Variants in C12orf42 observed in about 807,000 individuals in gnomAD.
C12orf42 encodes chromosome 12 open reading frame 42.
In C12orf42, 25 loss-of-function variants were observed where a neutral mutation model predicts 21.6. The observed-to-expected ratio is 1.16, with a 90% CI of 0.84 to 1.62. The LOEUF is 1.62. C12orf42 is among the 40% of genes most tolerant of loss of function. The pLI is 0.00. For missense variants in C12orf42, 483 were observed against 459.3 expected (o/e 1.05, Z -0.47); for synonymous variants, 174 against 175.0 (o/e 0.99, Z 0.05).
chr12:103,079,800 A>G, the C12orf42 span, among the ~76,000 whole-genome samples: 1 of 152,198 alleles, frequency 6.6e-6, no homozygotes, highest in Non-Finnish European at 1.5e-5. Context: ...AGATTGGGAG[A>G]ACCATATCCT....
At chr12:103,444,761 A>T (rs1951474353) in intron 2 of C12orf42, among the ~76,000 whole-genome samples, 1 of 152,098 alleles carries the variant, frequency 6.6e-6, no homozygotes, top group Admixed American at 6.6e-5. Context: ...TTTGATGTAT[A>T]CATCAAAGTT....
chr12:103,180,867 A>G, the C12orf42 span, among the ~76,000 whole-genome samples: 4 of 151,586 alleles, frequency 2.6e-5, no homozygotes, highest in Admixed American at 1.3e-4. Context: ...ACCTCAGGTG[A>G]TCCGCCTACC....
At chr12:103,159,606 A>T in the C12orf42 span, 2 of 152,104 alleles carry the variant, frequency 1.3e-5, no homozygotes, top group African/African-American at 4.8e-5. Flanking sequence ...ACAGCCCCCC[A>T]ACCTCCACCC....
At chr12:103,092,610 G>C in the C12orf42 span, among the ~76,000 whole-genome samples, 1 of 152,078 alleles carries the variant, frequency 6.6e-6, no homozygotes, top group Non-Finnish European at 1.5e-5. Flanking sequence ...TCAGTGCAAC[G>C]TATTCTCCTG....
At chr12:103,539,285 A>C in the C12orf42 span, among the ~76,000 whole-genome samples, 1 of 152,046 alleles carries the variant, frequency 6.6e-6, no homozygotes, top group South Asian at 2.1e-4. Flanking sequence ...ATATCTGTGC[A>C]TGTGTGTATG....
intron 4 of C12orf42, among the ~76,000 whole-genome samples, chr12:103,292,784 T>C (rs1186869061): frequency 6.6e-6 from 1 of 152,080 alleles, no homozygotes; most frequent in Non-Finnish European, 1.5e-5. Flanking sequence ...ATGCATATAT[T>C]CTGAAATCTA....
At chr12:103,445,552 C>G (rs1025076252) in intron 2 of C12orf42, among the ~76,000 whole-genome samples, 1 of 151,974 alleles carries the variant, frequency 6.6e-6, no homozygotes, top group African/African-American at 2.4e-5. Context: ...GACTGGCCAT[C>G]AGCATAGGTT....
At chr12:103,386,710 C>T (rs2046638995) in intron 3 of C12orf42, among the ~76,000 whole-genome samples, 1 of 152,214 alleles carries the variant, frequency 6.6e-6, no homozygotes, top group Non-Finnish European at 1.5e-5. Flanking sequence ...ACTGCAATTG[C>T]ACTCCCTTTC....
chr12:103,379,229 G>A (rs2138152212), intron 3 of C12orf42, among the ~76,000 whole-genome samples: 1 of 152,290 alleles, frequency 6.6e-6, no homozygotes, highest in African/African-American at 2.4e-5. Flanking sequence ...ATGGGAACAG[G>A]CATCCTCACC....
chr12:103,222,209 AAGAG>A, the C12orf42 span, among the ~76,000 whole-genome samples: 3 of 152,178 alleles, frequency 2.0e-5, no homozygotes, highest in African/African-American at 7.2e-5. Flanking sequence ...TGAGTACAAA[AAGAG>A]AGTCAGCGAA....
chr12:103,471,435 C>G (rs10507166), intron 2 of C12orf42, among the ~76,000 whole-genome samples: 87,639 of 152,102 alleles, frequency 0.58, 26,845 homozygotes, highest in Admixed American at 0.69. Flanking sequence ...TTAACCTAAA[C>G]AGCCAACAGA....
chr12:103,477,501 G>A (rs1355762832), intron 2 of C12orf42, among the ~76,000 whole-genome samples: 4 of 152,048 alleles, frequency 2.6e-5, no homozygotes, highest in South Asian at 2.1e-4. Context: ...CAAAAGGAAC[G>A]TTGCAAATGT....
chr12:103,113,114 A>G, the C12orf42 span, among the ~76,000 whole-genome samples: 3 of 151,842 alleles, frequency 2.0e-5, no homozygotes, highest in Non-Finnish European at 4.4e-5. Flanking sequence ...TTTGGAAAAG[A>G]TACTGGAAAA....
chr12:103,090,295 A>G, the C12orf42 span, among the ~76,000 whole-genome samples: 1 of 152,140 alleles, frequency 6.6e-6, no homozygotes, highest in Non-Finnish European at 1.5e-5. Flanking sequence ...GCACCTTGTG[A>G]CATTGGATGG....
intron 3 of C12orf42, among the ~76,000 whole-genome samples, chr12:103,394,301 C>G (rs997488840): frequency 3.9e-5 from 6 of 152,204 alleles, no homozygotes; most frequent in Non-Finnish European, 8.8e-5. Flanking sequence ...AAATGCCTTT[C>G]TGTACAAATC....
At chr12:103,499,377 T>G (rs1166082233), upstream of C12orf42, among the ~76,000 whole-genome samples, 1 of 152,198 alleles carries the variant, frequency 6.6e-6, no homozygotes, top group Non-Finnish European at 1.5e-5. Context: ...ATGTAGAAAG[T>G]TTTTATTTGT....
At chr12:103,185,691 A>G in the C12orf42 span, among the ~76,000 whole-genome samples, 1 of 151,640 alleles carries the variant, frequency 6.6e-6, no homozygotes, top group East Asian at 1.9e-4. Flanking sequence ...GGTTTCCCCA[A>G]TACTGTTCTT....
chr12:103,430,737 G>C (rs1206991664), intron 2 of C12orf42, among the ~76,000 whole-genome samples: 1 of 152,314 alleles, frequency 6.6e-6, no homozygotes, highest in East Asian at 1.9e-4. Context: ...TGATAGACTG[G>C]ATAAAGAAAA....
At chr12:103,462,748 G>A (rs143557826) in intron 2 of C12orf42, among the ~76,000 whole-genome samples, 238 of 152,246 alleles carry the variant, frequency 1.6e-3, no homozygotes, top group African/African-American at 5.2e-3. Context: ...TTAAAGCACC[G>A]TCAGTATGAT....
Sources: allele counts gnomAD v4.1 joint callset (sites outside exome capture counted in the v4.1 genomes callset), GRCh38; gene constraint gnomAD v4.1.1; transcripts MANE v1.5; gene names NCBI Gene and HGNC (gene_info 2026-07-23, HGNC 2026-07-21).